NDUFB3: variants seen among roughly 807,000 people sequenced by gnomAD.
The protein encoded by NDUFB3 is NADH dehydrogenase [ubiquinone] 1 beta subcomplex subunit 3.
NDUFB3 carries 7 observed loss-of-function variants against 9.0 expected under a neutral mutation model. The observed-to-expected ratio is 0.78, with a 90% CI of 0.44 to 1.46. The LOEUF is 1.46. NDUFB3 is among the 40% of genes most tolerant of loss of function. The probability of loss-of-function intolerance (pLI) is 0.01; values close to 1 mark genes in which losing one functional copy is unlikely to be tolerated. For synonymous variants in NDUFB3, 29 were observed against 38.5 expected, an observed-to-expected ratio of 0.75 and a Z score of 0.91; for missense variants, 93 against 115.4, an observed-to-expected ratio of 0.81 and a Z score of 0.89.
intron 1 of NDUFB3, among the ~76,000 whole-genome samples, chr2:201,074,733 G>A (rs1208048359): frequency 6.6e-5 from 10 of 152,184 alleles, no homozygotes; most frequent in Non-Finnish European, 1.5e-4. Flanking sequence ...TGGGATTACA[G>A]GCGTGTGCCA....
At chr2:201,084,520 C>T (rs2047267021) in intron 2 of NDUFB3, among the ~76,000 whole-genome samples, 1 of 151,952 alleles carries the variant, frequency 6.6e-6, no homozygotes, top group South Asian at 2.1e-4. Flanking sequence ...GCCTGTAATC[C>T]CAGCTACTTG....
intron 2 of NDUFB3, among the ~76,000 whole-genome samples, chr2:201,083,002 C>G (rs376917912): frequency 3.3e-5 from 5 of 152,260 alleles, no homozygotes; most frequent in East Asian, 3.9e-4. Flanking sequence ...CGTGAGCCAC[C>G]GCGCCCGGCC....
rs1173539142 is a variant in NDUFB3, at chr2:201,079,008, G to A, written c.126G>A (p.Arg42=). The A allele has an allele frequency of 1.9e-6, 3 of 1,611,392 alleles. No homozygotes were observed. Among genetic ancestry groups the A allele is most frequent in the East Asian group, 2.2e-5 (1 of 44,858 alleles). ...IQKKLAAKGL[R]DPWGRNEAWR... ...AGAAGCTGGCTGCAAAAGGGCTAAG[G>A]GATCCATGGGGCCGGTAAGATGAAT... is the stretch of plus-strand genomic sequence containing the variant. Residue 42 remains arginine, a synonymous_variant, in exon 2 of 3, where the codon AGG becomes AGA. Transcript: ENST00000237889.
chr2:201,085,018 A>G (rs2047274050), intron 2 of NDUFB3, among the ~76,000 whole-genome samples: 1 of 152,252 alleles, frequency 6.6e-6, no homozygotes, highest in East Asian at 1.9e-4. Context: ...ATCATTGAAT[A>G]GAACAGGAAG....
At chr2:201,079,110 A>G in intron 2 of NDUFB3, 88 bp downstream of exon 2, 11 of 1,374,426 alleles carry the variant, frequency 8.0e-6, no homozygotes, top group Non-Finnish European at 1.1e-5. Flanking sequence ...TTAGAGAATC[A>G]TGAAAAATGG....
intron 2 of NDUFB3, among the ~76,000 whole-genome samples, 176 bp from the exon 3 acceptor site, chr2:201,085,269 CTATTTTATATGTGA>C (rs2047278257): frequency 6.6e-6 from 1 of 152,152 alleles, no homozygotes; most frequent in South Asian, 2.1e-4. Context: ...GTTTATTCTT[CTATTTTATATGTGA>C]AACTTGGGCA....
At chr2:201,075,565 CAAAAAAAAA>C (rs771947770) in intron 1 of NDUFB3, among the ~76,000 whole-genome samples, 1 of 48,038 alleles carries the variant, frequency 2.1e-5, no homozygotes, top group Non-Finnish European at 4.6e-5. Flanking sequence ...GACTCTGTCT[CAAAAAAAAA>C]AAAAAAAAAA....
chr2:201,073,624 C>T (rs946568691), intron 1 of NDUFB3, among the ~76,000 whole-genome samples: 18 of 151,852 alleles, frequency 1.2e-4, no homozygotes, highest in Non-Finnish European at 8.8e-5. Context: ...AAAAATTAGC[C>T]GGGTGTGGTG....
At chr2:201,085,076 TCTAA>T (rs1345283204) in intron 2 of NDUFB3, among the ~76,000 whole-genome samples, 1 of 152,226 alleles carries the variant, frequency 6.6e-6, no homozygotes, top group African/African-American at 2.4e-5. Context: ...AGATTGTGAA[TCTAA>T]TATAAGTGGC....
At chr2:201,082,808 G>T (rs534539061) in intron 2 of NDUFB3, among the ~76,000 whole-genome samples, 117 of 149,068 alleles carry the variant, frequency 7.8e-4, no homozygotes, top group Non-Finnish European at 1.4e-3. Flanking sequence ...CCGCTTCCCG[G>T]GTTCACGCCA....
At chr2:201,074,455 T>TC (rs1221981930) in intron 1 of NDUFB3, among the ~76,000 whole-genome samples, 1 of 66,254 alleles carries the variant, frequency 1.5e-5, no homozygotes, top group Non-Finnish European at 2.8e-5. Flanking sequence ...TATGTTCAGC[T>TC]TTTTTTTTTT....
Position 201,076,130 on chromosome 2 carries a change from T to A in NDUFB3, c.-2-2751T>A, listed in dbSNP as rs1343070392. Among the ~76,000 whole-genome samples the A allele has an allele frequency of 3.3e-5, 5 of 152,190 alleles. No homozygotes were observed. The East Asian group carries it at 7.7e-4, about 23-fold the overall frequency. The stretch of plus-strand genomic sequence containing the variant: ...TTGAATCTACCAAGTAATAATGGGT[T>A]AAATGTTTCATTCAGAGTTGTGTTG... On this transcript the variant is annotated intron_variant, in intron 1 of 2. Coordinates refer to ENST00000237889, the MANE Select transcript of NDUFB3 (RefSeq NM_002491.3).
At chr2:201,077,254 G>T (rs11896935) in intron 1 of NDUFB3, among the ~76,000 whole-genome samples, 7,870 of 151,672 alleles carry the variant, frequency 0.052, 469 homozygotes, top group African/African-American at 0.14. Context: ...AAATAAAAAT[G>T]TAAAAAAAAA....
intron 2 of NDUFB3, among the ~76,000 whole-genome samples, chr2:201,082,437 G>A (rs887683040): frequency 6.6e-6 from 1 of 150,922 alleles, no homozygotes; most frequent in Non-Finnish European, 1.5e-5. Flanking sequence ...GCTAATTTTT[G>A]TATTTTTTGT....
chr2:201,078,424 CATT>C (rs1327408489), intron 1 of NDUFB3, among the ~76,000 whole-genome samples: 5 of 152,206 alleles, frequency 3.3e-5, no homozygotes, highest in African/African-American at 1.2e-4. Flanking sequence ...CTTGGAGTCT[CATT>C]GTCCTCATCT....
At chr2:201,079,068 A>C in intron 2 of NDUFB3, 46 bp downstream of exon 2, 2 of 1,558,710 alleles carry the variant, frequency 1.3e-6, no homozygotes, top group Non-Finnish European at 1.7e-6. Flanking sequence ...CTAGAGAATC[A>C]AGTGTCTATG....
At chr2:201,084,162 C>T (rs1405822469) in intron 2 of NDUFB3, among the ~76,000 whole-genome samples, 1 of 152,028 alleles carries the variant, frequency 6.6e-6, no homozygotes, top group Non-Finnish European at 1.5e-5. Context: ...TGGTGGTGTG[C>T]GCCTATAATC....
chr2:201,075,867 A>T (rs1048363400), intron 1 of NDUFB3, among the ~76,000 whole-genome samples: 5 of 152,172 alleles, frequency 3.3e-5, no homozygotes, highest in Admixed American at 6.5e-5. Context: ...TTCCAAATAC[A>T]CTGATACTCA....
chr2:201,072,365 A>G (rs895044439), intron 1 of NDUFB3: 2 of 152,240 alleles, frequency 1.3e-5, no homozygotes, highest in African/African-American at 2.4e-5. Flanking sequence ...ACTAAAAGTA[A>G]TAACAGTTCA....
Sources: allele counts gnomAD v4.1 joint callset (sites outside exome capture counted in the v4.1 genomes callset), GRCh38; gene constraint gnomAD v4.1.1; transcripts MANE v1.5; gene names NCBI Gene and HGNC (gene_info 2026-07-23, HGNC 2026-07-21).